The following MAPKAPK3 variants were observed in gnomAD, a reference collection of about 807,000 sequenced individuals.
MAPKAPK3 encodes the protein MAPK activated protein kinase 3, also known as MAP kinase-activated protein kinase 3.
A neutral mutation model predicts 49.2 loss-of-function variants in MAPKAPK3; 35 were observed. The observed-to-expected ratio is 0.71, with a 90% CI of 0.54 to 0.94. MAPKAPK3 has a LOEUF of 0.94. Ranked by LOEUF, MAPKAPK3 falls within the 40% of genes least tolerant of loss-of-function variation. The pLI is 0.00. For synonymous variants in MAPKAPK3, 178 were observed against 188.7 expected, an observed-to-expected ratio of 0.94 and a Z score of 0.46; for missense variants, 398 against 493.1, an observed-to-expected ratio of 0.81 and a Z score of 1.83.
intron 9 of MAPKAPK3, 89 bp downstream of exon 9, chr3:50,646,914 C>A: frequency 7.4e-7 from 1 of 1,347,154 alleles, no homozygotes; most frequent in South Asian, 1.2e-5. Flanking sequence ...TTTGAGGCCC[C>A]AGTGCAGGGC....
At chr3:50,612,765 T>C (rs1464613203), upstream of MAPKAPK3, 1 of 151,536 alleles carries the variant, frequency 6.6e-6, no homozygotes, top group Non-Finnish European at 1.5e-5. Context: ...ACTCAAAACA[T>C]AGGGAGATAA....
intron 2 of MAPKAPK3, among the ~76,000 whole-genome samples, chr3:50,639,454 C>T (rs564039779): frequency 6.6e-6 from 1 of 152,294 alleles, no homozygotes; most frequent in African/African-American, 2.4e-5. Flanking sequence ...ATGACATTGT[C>T]GCCCTGGTAC....
At chr3:50,636,066 G>A (rs2033033947) in intron 2 of MAPKAPK3, among the ~76,000 whole-genome samples, 1 of 151,828 alleles carries the variant, frequency 6.6e-6, no homozygotes, top group African/African-American at 2.4e-5. Flanking sequence ...AGCTGTGACT[G>A]TGTCACTGCA....
chr3:50,620,708 T>C (rs2032588657), intron 2 of MAPKAPK3, among the ~76,000 whole-genome samples: 1 of 152,198 alleles, frequency 6.6e-6, no homozygotes, highest in South Asian at 2.1e-4. Context: ...TCATACTCAG[T>C]GGCTCCCTCC....
intron 2 of MAPKAPK3, among the ~76,000 whole-genome samples, chr3:50,625,779 CGT>C (rs1194415533): frequency 1.3e-5 from 2 of 152,182 alleles, no homozygotes; most frequent in East Asian, 1.9e-4. Context: ...TTGCCTGTCT[CGT>C]GTGTTTCAGG....
At chr3:50,626,918 C>T (rs1020133586) in intron 2 of MAPKAPK3, among the ~76,000 whole-genome samples, 5 of 152,130 alleles carry the variant, frequency 3.3e-5, no homozygotes, top group South Asian at 4.1e-4. Context: ...CTGGGCCGGG[C>T]GCAGTGGCTC....
chr3:50,637,039 G>A (rs2107592275), intron 2 of MAPKAPK3, among the ~76,000 whole-genome samples: 1 of 152,292 alleles, frequency 6.6e-6, no homozygotes, highest in African/African-American at 2.4e-5. Flanking sequence ...TATGGACTCA[G>A]TGGGGCAGAA....
chr3:50,633,490 G>A (rs1416285011), intron 2 of MAPKAPK3, among the ~76,000 whole-genome samples: 1 of 152,080 alleles, frequency 6.6e-6, no homozygotes, highest in Non-Finnish European at 1.5e-5. Context: ...CCCACGCACT[G>A]ATGTACACAT....
At chr3:50,647,593 C>T (rs1479460971) in intron 10 of MAPKAPK3, among the ~76,000 whole-genome samples, 1 of 152,280 alleles carries the variant, frequency 6.6e-6, no homozygotes, top group Non-Finnish European at 1.5e-5. Context: ...AGATGGCATT[C>T]TCTGCAGGTC....
At position 50,642,270 on chromosome 3, in the gene MAPKAPK3, C is replaced by A. The variant is rs765824190; in HGVS notation, c.442C>A (p.Arg148=). 29 of 1,612,872 alleles carry A rather than the reference C, an allele frequency of 1.8e-5. No individual in the cohort carries two copies. Among genetic ancestry groups the A allele is most frequent in the Non-Finnish European group, 2.3e-5 (27 of 1,179,342 alleles). ...TTCTGCAGAAGCTGCAGAGATAATG[C>A]GGGATATTGGCACTGCCATCCAGTT... ...FTEREAAEIM[R]DIGTAIQFLH... is the part of the protein sequence containing the mutation. Residue 148 remains arginine, a synonymous_variant, in exon 5 of 11, where the codon CGG becomes AGG. Coordinates refer to ENST00000621469, the MANE Select transcript of MAPKAPK3 (RefSeq NM_001243925.2).
At chr3:50,620,305 C>G (rs2032579237) in intron 2 of MAPKAPK3, among the ~76,000 whole-genome samples, 1 of 152,178 alleles carries the variant, frequency 6.6e-6, no homozygotes, top group African/African-American at 2.4e-5. Flanking sequence ...CAGTCCTCTC[C>G]TTGCATCTGC....
In MAPKAPK3 at chr3:50,642,277, T is replaced by C. The variant is rs757611175; in HGVS notation, c.449T>C (p.Ile150Thr). Residue 150 changes from isoleucine to threonine, a missense_variant, in exon 5 of 11, where the codon ATT becomes ACT. Coordinates refer to ENST00000621469, the MANE Select transcript of MAPKAPK3 (RefSeq NM_001243925.2). The part of the protein sequence containing the change: ...EREAAEIMRD[I>T]GTAIQFLHSH... ...GAAGCTGCAGAGATAATGCGGGATA[T>C]TGGCACTGCCATCCAGTTTCTGCAC... is the stretch of plus-strand genomic sequence containing the variant. 1 of 1,613,398 alleles carries C rather than the reference T, an allele frequency of 6.2e-7. No individual in the cohort carries two copies. Among genetic ancestry groups the C allele is most frequent in the East Asian group, 2.2e-5 (1 of 44,886 alleles).
In MAPKAPK3 at chr3:50,627,012, C is replaced by T. The variant is rs1406341756; in HGVS notation, c.219+9228C>T. Among the ~76,000 whole-genome samples the T allele has an allele frequency of 3.9e-5, 6 of 152,120 alleles. No individual in the cohort carries two copies. In the East Asian group the frequency reaches 7.8e-4, roughly 20 times the overall value. ...GTTCGAGATCAGCGTGGTGAAACCC[C>T]GTCTCTACTAAAAATAGAAAAATTA... On this transcript the variant is annotated intron_variant, in intron 2 of 10. Coordinates refer to ENST00000621469, the MANE Select transcript of MAPKAPK3 (RefSeq NM_001243925.2).
At chr3:50,633,193 T>C (rs2032954662) in intron 2 of MAPKAPK3, among the ~76,000 whole-genome samples, 1 of 152,128 alleles carries the variant, frequency 6.6e-6, no homozygotes, top group South Asian at 2.1e-4. Flanking sequence ...CCAATGTTTC[T>C]TGGGCACCTC....
At chr3:50,619,328 C>A (rs1168545991) in intron 2 of MAPKAPK3, among the ~76,000 whole-genome samples, 2 of 152,122 alleles carry the variant, frequency 1.3e-5, no homozygotes, top group Non-Finnish European at 2.9e-5. Flanking sequence ...CCCGGAGTAC[C>A]TTGGAGGGGA....
intron 9 of MAPKAPK3, 49 bp downstream of exon 9, chr3:50,646,874 G>C (rs774454699): frequency 4.5e-5 from 71 of 1,581,112 alleles, no homozygotes; most frequent in Admixed American, 1.2e-4. Context: ...ACAGGAGTGG[G>C]GCTGCCGGGC....
At chr3:50,618,834 C>T (rs1341736777) in intron 2 of MAPKAPK3, among the ~76,000 whole-genome samples, 4 of 152,170 alleles carry the variant, frequency 2.6e-5, no homozygotes, top group African/African-American at 4.8e-5. Context: ...GGACTACAGG[C>T]GTGCGCCACC....
At chr3:50,611,886 A>AGCT (rs1345182802), upstream of MAPKAPK3, 1 of 540,018 alleles carries the variant, frequency 1.9e-6, no homozygotes. Flanking sequence ...CCTTCCCGGA[A>AGCT]GCAGCGTCTT....
chr3:50,640,911 G>T (rs1313458586), intron 3 of MAPKAPK3, among the ~76,000 whole-genome samples: 1 of 152,164 alleles, frequency 6.6e-6, no homozygotes, highest in Non-Finnish European at 1.5e-5. Flanking sequence ...CCAGGAACTG[G>T]GTGCTTGGGG....
Sources: gnomAD v4.1 joint callset for allele counts (sites outside exome capture counted in the v4.1 genomes callset) on GRCh38, gnomAD v4.1.1 for gene constraint, MANE v1.5 for transcripts, NCBI Gene and HGNC (gene_info 2026-07-23, HGNC 2026-07-21) for gene names.